IL18BP: variants seen among roughly 807,000 people sequenced by gnomAD.
IL18BP encodes the protein interleukin-18-binding protein.
Under a neutral mutation model 19.9 loss-of-function variants are expected in IL18BP, and 23 were observed. The ratio of observed to expected loss-of-function variants is 1.15; its 90% confidence interval spans 0.83 to 1.64. The LOEUF is 1.64. IL18BP is among the 40% of genes most tolerant of loss of function. IL18BP has a pLI of 0.00. For missense variants in IL18BP, 239 were observed against 240.7 expected (o/e 0.99, Z 0.05); for synonymous variants, 107 against 101.0 (o/e 1.06, Z -0.35).
intron 2 of IL18BP, 32 bp downstream of exon 2, chr11:72,000,044 G>A (rs975144519): frequency 6.2e-7 from 1 of 1,612,398 alleles, no homozygotes; most frequent in Non-Finnish European, 8.5e-7. Flanking sequence ...GGGCAGGCGG[G>A]GTAGGGTGAG....
chr11:72,001,429 G>A lies in IL18BP; in HGVS notation c.384G>A (p.Thr128=), dbSNP rs759533741. Residue 128 remains threonine, a synonymous_variant, in exon 5 of 6, where the codon ACG becomes ACA. Transcript: ENST00000393703. ...GCCGGGAACGTGGGAGCACAGGTACGCAGCTGTGCAAGGCCTTGGTGCTGG... is the reference window on the plus strand; with the variant it reads ...GCCGGGAACGTGGGAGCACAGGTACACAGCTGTGCAAGGCCTTGGTGCTGG... ...STSRERGSTG[T]QLCKALVLEQ... 9 of 1,614,198 alleles carry A rather than the reference G, an allele frequency of 5.6e-6. No homozygotes were observed. Among genetic ancestry groups the A allele is most frequent in the Admixed American group, 3.3e-5 (2 of 60,026 alleles).
Position 72,001,569 on chromosome 11 carries a change from G to A in IL18BP, c.507+17G>A. ...CAGCTCTGGGTGAGGAGCCCAAGGA[G>A]AGGCCTCCAGGAACAGGAGGAGCTC... is the stretch of plus-strand genomic sequence containing the variant. On this transcript the variant is annotated intron_variant, in intron 5 of 5. Transcript: ENST00000393703. 1 of 1,608,434 alleles carries A rather than the reference G, an allele frequency of 6.2e-7. No individual in the cohort carries two copies. Among genetic ancestry groups the A allele is most frequent in the Non-Finnish European group, 8.5e-7 (1 of 1,177,364 alleles).
rs745399999 is a variant in IL18BP, at chr11:72,000,031, C to T, written c.28+19C>T. 1 of 1,613,472 alleles carries T rather than the reference C, an allele frequency of 6.2e-7. No individual in the cohort carries two copies. On this transcript the variant is annotated intron_variant, in intron 2 of 5. Coordinates refer to ENST00000393703, the MANE Select transcript of IL18BP (RefSeq NM_001039660.2). ...ACACCAGGTAGGCCTTGGGGCTACG[C>T]ATGGGCAGGCGGGGTAGGGTGAGGT...
downstream of IL18BP, chr11:72,004,904 C>G: frequency 7.7e-7 from 1 of 1,301,024 alleles, no homozygotes; most frequent in African/African-American, 1.5e-5. Context: ...TACACTCGCC[C>G]GACACTTATG....
intron 2 of IL18BP, among the ~76,000 whole-genome samples, 160 bp from the exon 3 acceptor site, chr11:72,000,191 C>T (rs1427098945): frequency 6.6e-6 from 1 of 152,186 alleles, no homozygotes; most frequent in Non-Finnish European, 1.5e-5. Flanking sequence ...CTTCTCTGTA[C>T]TCTGTTCAAT....
downstream of IL18BP, chr11:72,007,091 C>G (rs1346561443): frequency 7.0e-7 from 1 of 1,434,664 alleles, no homozygotes. Flanking sequence ...GGACTGGCTG[C>G]TCATCCCTCC....
intron 1 of IL18BP, 197 bp downstream of exon 1, chr11:71,999,216 G>C: frequency 2.0e-6 from 1 of 489,804 alleles, no homozygotes; most frequent in South Asian, 1.5e-5. Flanking sequence ...GGTCCAACTT[G>C]GGGTTCCCCA....
Position 72,002,351 on chromosome 11 carries a change from C to T in IL18BP, c.*490C>T, listed in dbSNP as rs1955302774. The T allele has an allele frequency of 1.8e-5, 3 of 169,676 alleles. No homozygotes were observed. The South Asian group carries it at 4.8e-4, about 27-fold the overall frequency. The allele number at this position is 169,676 out of a possible 1,614,324, so 10.5% of individuals were successfully genotyped here. On this transcript the variant is annotated 3_prime_UTR_variant, in exon 6 of 6. Coordinates refer to ENST00000393703, the MANE Select transcript of IL18BP (RefSeq NM_001039660.2). ...AATGCTGCCTCTTCAGTGAAGTCATCCTCTTTCAGCTCTGGCCGCATTCTG... is the reference window on the plus strand; with the variant it reads ...AATGCTGCCTCTTCAGTGAAGTCATTCTCTTTCAGCTCTGGCCGCATTCTG...
At chr11:72,003,867 C>T (rs767293287), downstream of IL18BP, 6 of 1,612,110 alleles carry the variant, frequency 3.7e-6, no homozygotes, top group Non-Finnish European at 5.1e-6. Flanking sequence ...TTCCCTCCCC[C>T]ATCCTGCCAG....
downstream of IL18BP, chr11:72,007,912 TC>T (rs1210575436): frequency 1.4e-5 from 5 of 354,976 alleles, no homozygotes; most frequent in Non-Finnish European, 2.2e-5. Context: ...CTGGTCTGCT[TC>T]ATCTCCTCTC....
downstream of IL18BP, chr11:72,007,151 G>A (rs760309329): frequency 1.4e-5 from 22 of 1,598,346 alleles, no homozygotes; most frequent in South Asian, 2.2e-5. Context: ...GAGGAAGTGG[G>A]AATTGCTGCC....
downstream of IL18BP, chr11:72,004,877 G>C: frequency 1.4e-6 from 2 of 1,473,542 alleles, no homozygotes; most frequent in Non-Finnish European, 9.1e-7. Context: ...GGAGGACCTG[G>C]GGCTGTCCCA....
downstream of IL18BP, chr11:72,004,757 C>T: frequency 6.2e-7 from 1 of 1,604,990 alleles, no homozygotes; most frequent in Non-Finnish European, 8.5e-7. Context: ...GGCGCAGGGT[C>T]TCTTGGGGGT....
downstream of IL18BP, chr11:72,006,000 T>C (rs1295678100): frequency 6.7e-7 from 1 of 1,500,954 alleles, no homozygotes; most frequent in African/African-American, 1.4e-5. Context: ...TCCAGTCTAA[T>C]TTTGGGGTAT....
At chr11:72,004,237 A>C, downstream of IL18BP, 1 of 1,611,302 alleles carries the variant, frequency 6.2e-7, no homozygotes, top group South Asian at 1.1e-5. Context: ...GTTTAGTAGA[A>C]GCTGGAGCTG....
chr11:72,003,931 CGGCGCTGGCTGTGGT>C, downstream of IL18BP: 1 of 1,613,166 alleles, frequency 6.2e-7, no homozygotes, highest in Non-Finnish European at 8.5e-7. Flanking sequence ...GCAGCAGTGG[CGGCGCTGGCTGTGGT>C]GGTGGCAATG....
At chr11:72,004,314 G>T, downstream of IL18BP, 1 of 1,613,082 alleles carries the variant, frequency 6.2e-7, no homozygotes, top group African/African-American at 1.3e-5. Flanking sequence ...GTCATGGGGC[G>T]TGGGAAACAG....
chr11:72,004,512 G>A, downstream of IL18BP: 1 of 1,240,520 alleles, frequency 8.1e-7, no homozygotes, highest in Non-Finnish European at 1.1e-6. Context: ...CCATGGGTCA[G>A]GCCCTTGGAG....
downstream of IL18BP, chr11:72,004,232 G>C (rs776029699): frequency 1.1e-5 from 17 of 1,610,788 alleles, no homozygotes; most frequent in Admixed American, 3.4e-5. Context: ...CACCTGTTTA[G>C]TAGAAGCTGG....
Sources: allele counts gnomAD v4.1 joint callset (sites outside exome capture counted in the v4.1 genomes callset), GRCh38; gene constraint gnomAD v4.1.1; transcripts MANE v1.5; gene names NCBI Gene and HGNC (gene_info 2026-07-23, HGNC 2026-07-21).